The following AFF1 variants were observed in gnomAD, a reference collection of about 807,000 sequenced individuals.
AFF1 encodes ALF transcription elongation factor 1, also known as AF4/FMR2 family member 1.
Under a neutral mutation model 121.7 loss-of-function variants are expected in AFF1, and 48 were observed. The observed-to-expected ratio is 0.39, with a 90% CI of 0.31 to 0.50. The LOEUF is 0.50. Ranked by LOEUF, AFF1 falls within the 20% of genes least tolerant of loss-of-function variation. The probability of loss-of-function intolerance (pLI) is 0.76; values close to 1 mark genes in which losing one functional copy is unlikely to be tolerated. For synonymous variants in AFF1, 613 were observed against 563.0 expected (o/e 1.09, Z -1.26); for missense variants, 1,523 against 1,511.7 (o/e 1.01, Z -0.12).
chr4:87,105,525 T>G, intron 8 of AFF1, 103 bp from the exon 9 acceptor site: 1 of 1,288,636 alleles, frequency 7.8e-7, no homozygotes, highest in Non-Finnish European at 1.1e-6. Context: ...CTTACACATA[T>G]CCTCTCTCTT....
intron 2 of AFF1, among the ~76,000 whole-genome samples, chr4:86,963,963 G>GTTTTTTTTTTTTTTTTTT (rs3035477): frequency 9.6e-6 from 1 of 104,382 alleles, no homozygotes; most frequent in Non-Finnish European, 1.9e-5. Flanking sequence ...GACTAGACTG[G>GTTTTTTTTTTTTTTTTTT]TTTTTTTTTT....
At chr4:87,112,072 A>G (rs1424101913) in intron 11 of AFF1, among the ~76,000 whole-genome samples, 1 of 152,184 alleles carries the variant, frequency 6.6e-6, no homozygotes, top group Non-Finnish European at 1.5e-5. Flanking sequence ...AGATATGTCC[A>G]TACCTTTCCT....
At chr4:87,075,763 A>G (rs1209949217) in intron 4 of AFF1, among the ~76,000 whole-genome samples, 3 of 152,210 alleles carry the variant, frequency 2.0e-5, no homozygotes, top group Admixed American at 2.0e-4. Flanking sequence ...TCTGCATCTT[A>G]AAAATATCAC....
intron 2 of AFF1, among the ~76,000 whole-genome samples, chr4:86,974,305 G>A (rs962901452): frequency 2.6e-5 from 4 of 151,988 alleles, no homozygotes; most frequent in Admixed American, 6.6e-5. Flanking sequence ...ATGCCACCAC[G>A]CCGGGCTAAT....
intron 1 of AFF1, among the ~76,000 whole-genome samples, chr4:86,943,078 A>G (rs1353943385): frequency 6.6e-6 from 1 of 152,254 alleles, no homozygotes; most frequent in Admixed American, 6.5e-5. Flanking sequence ...CCTCTCTGAG[A>G]ATGTCATTGG....
chr4:87,013,235 T>C (rs1248044854), intron 2 of AFF1, among the ~76,000 whole-genome samples: 1 of 150,612 alleles, frequency 6.6e-6, no homozygotes, highest in Non-Finnish European at 1.5e-5. Flanking sequence ...AGATGGGGTT[T>C]CTCCATGTTG....
At position 86,979,247 on chromosome 4, in the gene AFF1, G is replaced by A. The variant is rs142858101; in HGVS notation, c.38+30676G>A. On this transcript the variant is annotated intron_variant, in intron 2 of 20. Transcript: ENST00000395146. ...CGAGTAGCTGGGATTACAGGCATGT[G>A]CCACGAAGCCCGGCTGAATTTTGTA... 8.7e-3 allele frequency among the ~76,000 whole-genome samples: 1,320 copies of A among 152,214 alleles called. 24 individuals carry two copies. The highest frequency in any genetic ancestry group is 0.031 in the African/African-American group (1,270 of 41,516).
At chr4:86,967,932 A>G (rs1321312192) in intron 2 of AFF1, among the ~76,000 whole-genome samples, 1 of 152,222 alleles carries the variant, frequency 6.6e-6, no homozygotes, top group Non-Finnish European at 1.5e-5. Flanking sequence ...ACAGTTGTGC[A>G]TGAGATTTCC....
intron 2 of AFF1, among the ~76,000 whole-genome samples, chr4:87,015,184 C>T (rs1727174817): frequency 6.6e-6 from 1 of 152,126 alleles, no homozygotes; most frequent in Non-Finnish European, 1.5e-5. Context: ...TAATTTTGAC[C>T]TAGCAATTAC....
At chr4:87,001,320 G>A (rs1725708569) in intron 2 of AFF1, among the ~76,000 whole-genome samples, 2 of 139,014 alleles carry the variant, frequency 1.4e-5, no homozygotes, top group South Asian at 2.4e-4. Context: ...AGGTTCAAGC[G>A]ATTCTCCTAC....
chr4:86,943,812 A>T (rs76753913), intron 1 of AFF1, among the ~76,000 whole-genome samples: 2 of 152,164 alleles, frequency 1.3e-5, no homozygotes, highest in South Asian at 4.2e-4. Context: ...ATACAAAAAA[A>T]TTAGCCAGGC....
intron 11 of AFF1, among the ~76,000 whole-genome samples, chr4:87,112,600 G>A (rs1237272842): frequency 1.3e-5 from 2 of 152,152 alleles, no homozygotes; most frequent in African/African-American, 2.4e-5. Flanking sequence ...TTATGTCATA[G>A]CCACATATTT....
At chr4:87,084,248 G>A in intron 5 of AFF1, 84 bp downstream of exon 5, 1 of 1,461,760 alleles carries the variant, frequency 6.8e-7, no homozygotes, top group Non-Finnish European at 9.6e-7. Flanking sequence ...TTAAAGAACA[G>A]TTGCCATTGG....
chr4:87,127,166 T>TGGGGGG, intron 15 of AFF1, 49 bp downstream of exon 15: 1 of 1,084,612 alleles, frequency 9.2e-7, no homozygotes, highest in Admixed American at 2.3e-5. Flanking sequence ...TTGTTTTGCT[T>TGGGGGG]CCCCCCCCCA....
intron 2 of AFF1, among the ~76,000 whole-genome samples, chr4:87,041,557 C>T (rs192324725): frequency 2.5e-4 from 38 of 152,188 alleles, no homozygotes; most frequent in Non-Finnish European, 4.3e-4. Flanking sequence ...TGCAAAGTAC[C>T]ATCTAAAATC....
chr4:86,986,529 C>T (rs1234843268), intron 2 of AFF1, among the ~76,000 whole-genome samples: 1 of 152,096 alleles, frequency 6.6e-6, no homozygotes, highest in South Asian at 2.1e-4. Context: ...ATACATTCAA[C>T]TGAGAAACAT....
At chr4:87,035,219 G>T (rs556636376) in intron 2 of AFF1, among the ~76,000 whole-genome samples, 2 of 152,164 alleles carry the variant, frequency 1.3e-5, no homozygotes, top group South Asian at 4.1e-4. Flanking sequence ...ACGCAGGAAG[G>T]GTGCTCTTAC....
At chr4:86,980,255 AT>A (rs1377929067) in intron 2 of AFF1, among the ~76,000 whole-genome samples, 6 of 152,208 alleles carry the variant, frequency 3.9e-5, no homozygotes, top group Admixed American at 2.6e-4. Context: ...TATGAAAAAA[AT>A]GTCCAGAAGT....
At chr4:87,121,377 A>G (rs890272300) in intron 12 of AFF1, among the ~76,000 whole-genome samples, 6 of 152,180 alleles carry the variant, frequency 3.9e-5, no homozygotes, top group South Asian at 2.1e-4. Flanking sequence ...CTCACCCAAT[A>G]TTGCATGGCT....
Sources: allele counts gnomAD v4.1 joint callset (sites outside exome capture counted in the v4.1 genomes callset), GRCh38; gene constraint gnomAD v4.1.1; transcripts MANE v1.5; gene names NCBI Gene and HGNC (gene_info 2026-07-23, HGNC 2026-07-21).